The following PADI3 variants were observed in gnomAD, a reference collection of about 807,000 sequenced individuals.
PADI3 encodes peptidyl arginine deiminase 3.
A neutral mutation model predicts 71.5 loss-of-function variants in PADI3; 53 were observed. The ratio of observed to expected loss-of-function variants is 0.74; its 90% CI spans 0.59 to 0.93. PADI3 has a LOEUF of 0.93. Ranked by LOEUF, PADI3 falls within the 40% of genes least tolerant of loss-of-function variation. PADI3 has a pLI of 0.00. For missense variants in PADI3, 821 were observed against 868.0 expected (o/e 0.95, Z 0.68); for synonymous variants, 361 against 347.5 (o/e 1.04, Z -0.43).
chr1:17,259,435 T>C, intron 1 of PADI3, 143 bp from the exon 2 acceptor site: 1 of 657,340 alleles, frequency 1.5e-6, no homozygotes, highest in South Asian at 2.3e-5. Context: ...CAGGCTTGAC[T>C]CGCAGGAGCT....
In PADI3 at chr1:17,276,845, C is replaced by T. The variant is rs34177351; in HGVS notation, c.1524C>T (p.His508=). 9,457 of 1,613,198 alleles carry T rather than the reference C, an allele frequency of 5.9e-3. 36 individuals are homozygous for T. The highest frequency in any genetic ancestry group is 6.9e-3 in the Non-Finnish European group (8,156 of 1,179,616). Residue 508 remains histidine, a synonymous_variant, in exon 13 of 16, where the codon CAC becomes CAT. Transcript: ENST00000375460. ...KLFQEKQKCG[H]GRALLFQGVV... is the part of the protein sequence containing the mutation. Reference sequence around the variant, plus strand: ...TCCAGGAAAAGCAGAAGTGTGGCCACGGGAGGGCCCTCCTGTTCCAGGGGG... The same window carrying T: ...TCCAGGAAAAGCAGAAGTGTGGCCATGGGAGGGCCCTCCTGTTCCAGGGGG...
intron 11 of PADI3, 70 bp downstream of exon 11, chr1:17,274,856 G>T: frequency 3.4e-6 from 5 of 1,486,488 alleles, no homozygotes; most frequent in Non-Finnish European, 4.6e-6. Flanking sequence ...TGATGGTGGA[G>T]CAGGGGCCAT....
intron 1 of PADI3, among the ~76,000 whole-genome samples, chr1:17,257,388 T>C (rs1049198297): frequency 7.2e-5 from 11 of 152,268 alleles, no homozygotes; most frequent in African/African-American, 2.7e-4. Flanking sequence ...CTAGTTAAAA[T>C]TGAATTTCAG....
intron 1 of PADI3, among the ~76,000 whole-genome samples, chr1:17,251,177 G>A (rs565200829): frequency 2.6e-5 from 4 of 152,344 alleles, no homozygotes; most frequent in African/African-American, 9.6e-5. Context: ...GGGAGAACAA[G>A]CAGCTCCTCC....
chr1:17,283,201 G>T lies in PADI3; in HGVS notation c.*122G>T. The T allele has an allele frequency of 1.4e-6, 1 of 724,286 alleles. No homozygotes were observed. Among genetic ancestry groups the T allele is most frequent in the South Asian group, 1.8e-5 (1 of 55,586 alleles). The allele number at this position is 724,286 out of a possible 1,614,324, so 44.9% of individuals were successfully genotyped here. A position where few individuals can be genotyped will look rare whatever the true frequency, so the allele number is the denominator to read the frequency against. On this transcript the variant is annotated 3_prime_UTR_variant, in exon 16 of 16. Coordinates refer to ENST00000375460, the MANE Select transcript of PADI3 (RefSeq NM_016233.2). The stretch of plus-strand genomic sequence containing the variant: ...CCAAGGCTCCAGATGGAACACTGAG[G>T]GTGACCGTCCCTCTCAGAAGCCTTT...
In PADI3 at chr1:17,276,674, CGTGCATGACGT is replaced by C. The variant is rs759790246; in HGVS notation, c.1452+14_1452+24del. 6 of 1,613,786 alleles carry C rather than the reference CGTGCATGACGT, an allele frequency of 3.7e-6. No individual in the cohort carries two copies. The South Asian group carries it at 6.6e-5, about 18-fold the overall frequency. On this transcript the variant is annotated intron_variant, in intron 12 of 15. Coordinates refer to ENST00000375460, the MANE Select transcript of PADI3 (RefSeq NM_016233.2). ...GCCCCCGATGGGAAGGTAAGAACTT[CGTGCATGACGT>C]GTCTTTCCCTGGCATCTGGGGCAAG...
intron 2 of PADI3, 68 bp downstream of exon 2, chr1:17,259,826 C>A: frequency 3.6e-6 from 5 of 1,373,750 alleles, no homozygotes; most frequent in South Asian, 1.4e-5. Context: ...TAGGAGGGCC[C>A]AACATTCTCT....
chr1:17,256,517 G>C, intron 1 of PADI3, among the ~76,000 whole-genome samples: 1 of 151,852 alleles, frequency 6.6e-6, no homozygotes. Context: ...GACCCTCCTG[G>C]GCAGGGGTGC....
intron 7 of PADI3, 136 bp downstream of exon 7, chr1:17,270,547 C>A (rs1052449629): frequency 2.3e-6 from 2 of 870,686 alleles, no homozygotes; most frequent in Non-Finnish European, 3.4e-6. Flanking sequence ...ACTTGGGAGG[C>A]TGAGGTGGGA....
At chr1:17,273,123 C>T (rs887260605) in intron 9 of PADI3, among the ~76,000 whole-genome samples, 6 of 152,204 alleles carry the variant, frequency 3.9e-5, no homozygotes, top group African/African-American at 1.4e-4. Context: ...CTCTGTCTTG[C>T]TGTGTGACCT....
Position 17,273,461 on chromosome 1 carries a change from G to A in PADI3, c.1155+14G>A, listed in dbSNP as rs370676272. 8.6e-5 allele frequency: 136 copies of A among 1,574,354 alleles called. No homozygotes were observed. The highest frequency in any genetic ancestry group is 1.2e-4 in the Non-Finnish European group (132 of 1,145,654). On this transcript the variant is annotated intron_variant, in intron 10 of 15. Transcript: ENST00000375460. ...AAAAGAATCCTGGTGAGTGGTCCCGGCCGCAGCCCACCCCTGAGAGCTGAG... is the reference window on the plus strand; with the variant it reads ...AAAAGAATCCTGGTGAGTGGTCCCGACCGCAGCCCACCCCTGAGAGCTGAG...
chr1:17,254,453 C>T (rs557727271), intron 1 of PADI3, among the ~76,000 whole-genome samples: 54 of 152,308 alleles, frequency 3.5e-4, no homozygotes, highest in African/African-American at 1.2e-3. Flanking sequence ...TTTGGGTTTG[C>T]AGGCGAGTGG....
rs570307006 is a variant in PADI3, at chr1:17,273,899, C to T, written c.1155+452C>T. Among the ~76,000 whole-genome samples the T allele has an allele frequency of 6.0e-4, 91 of 152,240 alleles. 1 individual carries two copies. Among genetic ancestry groups the T allele is most frequent in the Middle Eastern group, 6.8e-3 (2 of 294 alleles). On this transcript the variant is annotated intron_variant, in intron 10 of 15. Transcript: ENST00000375460. ...TCAGTTTCCTCATCAGTAAAAATGA[C>T]ATTTTGGCCCTGGCCTCACAGGGGT...
chr1:17,254,197 T>C (rs911607323), intron 1 of PADI3, among the ~76,000 whole-genome samples: 11 of 152,150 alleles, frequency 7.2e-5, no homozygotes, highest in Non-Finnish European at 5.9e-5. Flanking sequence ...GCTGGCAGCG[T>C]CGGCGGATCT....
rs768543947 is a variant in PADI3 at position 17,271,107 on chromosome 1, C to T, written c.976C>T (p.Leu326=). 13 of 1,613,920 alleles carry T rather than the reference C, an allele frequency of 8.1e-6. No individual in the cohort carries two copies. The highest frequency in any genetic ancestry group is 1.1e-5 in the Non-Finnish European group (13 of 1,180,022). ...NTCFVDAVAE[L]ARKAGCKLTI... is the part of the protein sequence containing the mutation. ...GTGTTTTGTGGATGCGGTGGCAGAG[C>T]TGGCCAGGAAGGCCGGCTGCAAGCT... Residue 326 remains leucine (L), a synonymous_variant, in exon 9 of 16, where the codon CTG becomes TTG. Coordinates refer to ENST00000375460, the MANE Select transcript of PADI3 (RefSeq NM_016233.2).
intron 3 of PADI3, among the ~76,000 whole-genome samples, chr1:17,262,424 A>G (rs1004933006): frequency 2.0e-5 from 3 of 152,210 alleles, no homozygotes; most frequent in African/African-American, 7.2e-5. Context: ...GAAGCATACT[A>G]TAGACATGGA....
intron 4 of PADI3, among the ~76,000 whole-genome samples, chr1:17,266,047 G>A (rs957361513): frequency 6.6e-6 from 1 of 152,200 alleles, no homozygotes; most frequent in Non-Finnish European, 1.5e-5. Flanking sequence ...GGCTTTGTGG[G>A]ACATATGGTC....
At chr1:17,273,570 T>A in intron 10 of PADI3, 123 bp downstream of exon 10, 1 of 562,326 alleles carries the variant, frequency 1.8e-6, no homozygotes, top group East Asian at 3.0e-5. Flanking sequence ...GAGGGTAGGG[T>A]TGCCAGATAA....
At chr1:17,261,446 C>A (rs1355346970) in intron 2 of PADI3, among the ~76,000 whole-genome samples, 2 of 152,312 alleles carry the variant, frequency 1.3e-5, no homozygotes, top group East Asian at 3.9e-4. Flanking sequence ...AGATCAGTAA[C>A]TTTTCCTGGG....
Sources: gnomAD v4.1 joint callset for allele counts (sites outside exome capture counted in the v4.1 genomes callset) on GRCh38, gnomAD v4.1.1 for gene constraint, MANE v1.5 for transcripts, NCBI Gene and HGNC (gene_info 2026-07-23, HGNC 2026-07-21) for gene names.